The following PTPN13 variants were observed in gnomAD, a reference collection of about 807,000 sequenced individuals.
The protein encoded by PTPN13 is tyrosine-protein phosphatase non-receptor type 13.
A neutral mutation model predicts 284.0 loss-of-function variants in PTPN13; 191 were observed. The observed-to-expected ratio is 0.67, with a 90% CI of 0.60 to 0.76. The LOEUF (loss-of-function observed/expected upper bound fraction) is 0.76, where lower values mean the gene tolerates loss of function less well. PTPN13 is among the 30% of genes least tolerant of loss of function. The pLI is 0.00. For synonymous variants in PTPN13, 986 were observed against 1,022.3 expected, an observed-to-expected ratio of 0.96 and a Z score of 0.68; for missense variants, 2,797 against 2,939.9, an observed-to-expected ratio of 0.95 and a Z score of 1.12.
At chr4:86,678,678 G>A (rs1728557936) in intron 3 of PTPN13, among the ~76,000 whole-genome samples, 1 of 152,064 alleles carries the variant, frequency 6.6e-6, no homozygotes, top group Non-Finnish European at 1.5e-5. Context: ...TAAATGAAGG[G>A]ACCATCATTT....
chr4:86,813,270 T>A (rs1465363621), intron 47 of PTPN13, among the ~76,000 whole-genome samples: 1 of 152,178 alleles, frequency 6.6e-6, no homozygotes, highest in Non-Finnish European at 1.5e-5. Flanking sequence ...TTTTATTACT[T>A]TTCATTTAAT....
At chr4:86,772,654 G>C (rs1043389964) in intron 31 of PTPN13, 124 bp from the exon 32 acceptor site, 3 of 747,936 alleles carry the variant, frequency 4.0e-6, no homozygotes, top group Non-Finnish European at 6.4e-6. Flanking sequence ...CATACAAAAA[G>C]TAACTAGGAT....
At position 86,765,449 on chromosome 4, in the gene PTPN13, C is replaced by A; in HGVS notation, c.4204C>A (p.Pro1402Thr). ...TGGCATTTATGTGAAAGCTGTTATT[C>A]CCCAGGGAGCAGCAGAGTCTGATGG... ...HGGIYVKAVI[P>T]QGAAESDGRI... Residue 1402 changes from proline to threonine, a missense_variant, in exon 26 of 48, where the codon CCC becomes ACC. Coordinates refer to ENST00000411767, the MANE Select transcript of PTPN13 (RefSeq NM_080683.3). 1 of 1,600,654 alleles carries A rather than the reference C, an allele frequency of 6.2e-7. No individual in the cohort carries two copies. The highest frequency in any genetic ancestry group is 8.5e-7 in the Non-Finnish European group (1 of 1,172,974).
At chr4:86,682,620 C>T (rs1729019977) in intron 3 of PTPN13, among the ~76,000 whole-genome samples, 1 of 152,158 alleles carries the variant, frequency 6.6e-6, no homozygotes, top group Non-Finnish European at 1.5e-5. Context: ...TTCCTCCTTT[C>T]TACACAATAT....
chr4:86,715,404 A>G (rs1412361215), intron 7 of PTPN13, among the ~76,000 whole-genome samples: 6 of 152,138 alleles, frequency 3.9e-5, no homozygotes, highest in Non-Finnish European at 8.8e-5. Flanking sequence ...TGAATCTGTG[A>G]CTTCAAAATA....
intron 40 of PTPN13, among the ~76,000 whole-genome samples, chr4:86,790,989 C>T (rs1358498467): frequency 6.6e-6 from 1 of 152,014 alleles, no homozygotes. Context: ...CAATGGGACT[C>T]GTTGGACAGT....
At chr4:86,777,631 G>A (rs1740807366) in intron 35 of PTPN13, among the ~76,000 whole-genome samples, 1 of 152,168 alleles carries the variant, frequency 6.6e-6, no homozygotes, top group African/African-American at 2.4e-5. Flanking sequence ...AGGCTTTCTA[G>A]ATTACAGACT....
chr4:86,685,249 C>G (rs1172055643), intron 3 of PTPN13, among the ~76,000 whole-genome samples: 1 of 152,110 alleles, frequency 6.6e-6, no homozygotes, highest in Non-Finnish European at 1.5e-5. Flanking sequence ...TCTCCTTGTA[C>G]TACGCTACCC....
In PTPN13 at chr4:86,785,739, A is replaced by G. The variant is rs548258915; in HGVS notation, c.6257-109A>G. On this transcript the variant is annotated intron_variant, in intron 39 of 47. Coordinates refer to ENST00000411767, the MANE Select transcript of PTPN13 (RefSeq NM_080683.3). The stretch of plus-strand genomic sequence containing the variant: ...CTTTTCTAGTTAAAACATTGAAACT[A>G]TTTATGGATATTGGTTTATACACTG... 4.3e-5 allele frequency: 23 copies of G among 538,830 alleles called. No homozygotes were observed. The African/African-American group carries it at 4.5e-4, about 11-fold the overall frequency. 33.4% of individuals were successfully genotyped at this position (538,830 alleles called of 1,614,324 possible). A position where few individuals can be genotyped will look rare whatever the true frequency, so the allele number is the denominator to read the frequency against.
chr4:86,737,904 A>G (rs1293866475), intron 15 of PTPN13, among the ~76,000 whole-genome samples: 1 of 151,866 alleles, frequency 6.6e-6, no homozygotes, highest in African/African-American at 2.4e-5. Context: ...AATTTTTTAT[A>G]TTTTTAGCAG....
intron 12 of PTPN13, among the ~76,000 whole-genome samples, chr4:86,733,946 A>G (rs1230399271): frequency 2.6e-5 from 4 of 152,190 alleles, no homozygotes; most frequent in Non-Finnish European, 4.4e-5. Flanking sequence ...ATGTCATTTG[A>G]TCCTTATAAC....
chr4:86,691,406 G>A (rs570850699), intron 5 of PTPN13, among the ~76,000 whole-genome samples: 1 of 152,146 alleles, frequency 6.6e-6, no homozygotes, highest in East Asian at 1.9e-4. Flanking sequence ...GAGAAAAATA[G>A]AAGGATCAGT....
At chr4:86,696,456 C>G (rs963494046) in intron 6 of PTPN13, among the ~76,000 whole-genome samples, 2 of 151,844 alleles carry the variant, frequency 1.3e-5, no homozygotes, top group African/African-American at 4.8e-5. Flanking sequence ...AATAAAACAT[C>G]TTGCCTCATA....
At chr4:86,705,200 G>A (rs1278931703) in intron 7 of PTPN13, among the ~76,000 whole-genome samples, 1 of 151,916 alleles carries the variant, frequency 6.6e-6, no homozygotes, top group Non-Finnish European at 1.5e-5. Flanking sequence ...CTGGTGTGGT[G>A]GTACATGCCT....
chr4:86,644,668 A>G (rs902255090), intron 2 of PTPN13, among the ~76,000 whole-genome samples: 1 of 152,202 alleles, frequency 6.6e-6, no homozygotes, highest in Non-Finnish European at 1.5e-5. Context: ...ACTACAAACC[A>G]ATATGTCTTA....
At chr4:86,723,272 G>C (rs1733874331) in intron 10 of PTPN13, among the ~76,000 whole-genome samples, 1 of 152,170 alleles carries the variant, frequency 6.6e-6, no homozygotes, top group Non-Finnish European at 1.5e-5. Context: ...GGCCAGCATT[G>C]GTCCATGGCC....
intron 15 of PTPN13, among the ~76,000 whole-genome samples, chr4:86,740,008 G>A (rs1228060214): frequency 6.6e-6 from 1 of 152,192 alleles, no homozygotes; most frequent in Non-Finnish European, 1.5e-5. Context: ...CAAGGTCTTG[G>A]GCAGCTCTGC....
chr4:86,784,589 C>T, intron 38 of PTPN13, 31 bp downstream of exon 38: 1 of 1,382,802 alleles, frequency 7.2e-7, no homozygotes, highest in South Asian at 1.2e-5. Context: ...TCTAATTACT[C>T]TAAATGCCCT....
At chr4:86,650,587 A>G (rs1020602735) in intron 2 of PTPN13, among the ~76,000 whole-genome samples, 1 of 152,172 alleles carries the variant, frequency 6.6e-6, no homozygotes, top group Non-Finnish European at 1.5e-5. Flanking sequence ...ATAGGCATAA[A>G]TCATTGCACC....
Sources: allele counts gnomAD v4.1 joint callset (sites outside exome capture counted in the v4.1 genomes callset), GRCh38; gene constraint gnomAD v4.1.1; transcripts MANE v1.5; gene names NCBI Gene and HGNC (gene_info 2026-07-23, HGNC 2026-07-21).